The following PRKCB variants were observed in gnomAD, a reference collection of about 807,000 sequenced individuals.
The protein encoded by PRKCB is protein kinase C beta, also known as protein kinase C beta type.
Under a neutral mutation model 81.5 loss-of-function variants are expected in PRKCB, and 13 were observed. That is an observed-to-expected ratio of 0.16 (90% confidence interval 0.10 to 0.25). The LOEUF is 0.25. Ranked by LOEUF, PRKCB falls within the 10% of genes least tolerant of loss-of-function variation. The pLI, the probability that PRKCB is intolerant of heterozygous loss-of-function variation, is 1.00. For missense variants in PRKCB, 509 were observed against 875.7 expected (o/e 0.58, Z 5.29); for synonymous variants, 335 against 321.4 (o/e 1.04, Z -0.45).
chr16:24,218,909 G>T lies in PRKCB; in HGVS notation c.*4093G>T. 1.0e-6 allele frequency: 1 copy of T among 985,422 alleles called. No homozygotes were observed. Among genetic ancestry groups the T allele is most frequent in the East Asian group, 1.1e-4 (1 of 8,796 alleles). 61.0% of individuals were successfully genotyped at this position (985,422 alleles called of 1,614,324 possible). ...ATGAGGCCTACATAGCAGCGATGTGGTCAGGTAAAAATCAGGAACCCACTG... is the reference window on the plus strand; with the variant it reads ...ATGAGGCCTACATAGCAGCGATGTGTTCAGGTAAAAATCAGGAACCCACTG... On this transcript the variant is annotated 3_prime_UTR_variant, in exon 17 of 17. Transcript: ENST00000643927.
intron 9 of PRKCB, among the ~76,000 whole-genome samples, chr16:24,125,380 CACA>C (rs1966841552): frequency 6.6e-6 from 1 of 152,156 alleles, no homozygotes; most frequent in Admixed American, 6.5e-5. Context: ...GTGCTCTGGC[CACA>C]ACATCAGCTC....
chr16:23,982,105 C>CCCTTTT, intron 2 of PRKCB, among the ~76,000 whole-genome samples: 1 of 54,606 alleles, frequency 1.8e-5, no homozygotes, highest in Non-Finnish European at 3.6e-5. Context: ...CTTTTCCCTT[C>CCCTTTT]CCTTCCCTTT....
At chr16:24,113,413 C>G (rs895053894) in intron 8 of PRKCB, among the ~76,000 whole-genome samples, 8 of 149,000 alleles carry the variant, frequency 5.4e-5, no homozygotes, top group African/African-American at 2.0e-4. Flanking sequence ...CTCTTTCCCT[C>G]TCATTCTTTC....
At chr16:23,900,597 T>A (rs184986434) in intron 2 of PRKCB, among the ~76,000 whole-genome samples, 1 of 143,118 alleles carries the variant, frequency 7.0e-6, no homozygotes, top group East Asian at 2.1e-4. Context: ...ATACCCTTAG[T>A]AGCACCTCAC....
chr16:24,016,354 A>G (rs887575136), intron 3 of PRKCB, among the ~76,000 whole-genome samples: 1 of 152,122 alleles, frequency 6.6e-6, no homozygotes, highest in African/African-American at 2.4e-5. Flanking sequence ...GGTATGCTAC[A>G]GAGGCTGGCA....
At chr16:24,003,791 C>T (rs1472713939) in intron 3 of PRKCB, among the ~76,000 whole-genome samples, 1 of 152,172 alleles carries the variant, frequency 6.6e-6, no homozygotes, top group Non-Finnish European at 1.5e-5. Context: ...CCCATGGCAT[C>T]CCTTTCACCC....
chr16:24,134,953 CCTT>C (rs1311279372), intron 9 of PRKCB, among the ~76,000 whole-genome samples: 2 of 148,490 alleles, frequency 1.3e-5, no homozygotes, highest in African/African-American at 4.9e-5. Flanking sequence ...GTGGGTTTCT[CCTT>C]CTTCCATGAA....
chr16:23,905,821 A>G (rs1421399096), intron 2 of PRKCB, among the ~76,000 whole-genome samples: 1 of 152,176 alleles, frequency 6.6e-6, no homozygotes, highest in Admixed American at 6.5e-5. Flanking sequence ...AAGTGGAAAT[A>G]TATTATAGTG....
At chr16:23,836,918 C>T (rs1962172098) in intron 1 of PRKCB, among the ~76,000 whole-genome samples, 1 of 151,948 alleles carries the variant, frequency 6.6e-6, no homozygotes, top group Admixed American at 6.5e-5. Context: ...TCCTCGGTCA[C>T]ATCACTGCGG....
At chr16:24,102,352 A>T (rs1966520126) in intron 7 of PRKCB, among the ~76,000 whole-genome samples, 1 of 152,224 alleles carries the variant, frequency 6.6e-6, no homozygotes, top group African/African-American at 2.4e-5. Flanking sequence ...CGGCCAAGAC[A>T]TTTGCGATGC....
At chr16:23,861,738 G>A (rs1020412269) in intron 2 of PRKCB, among the ~76,000 whole-genome samples, 2 of 152,172 alleles carry the variant, frequency 1.3e-5, no homozygotes, top group Non-Finnish European at 2.9e-5. Flanking sequence ...TGCATGTGGT[G>A]CTTGGAGCTG....
chr16:24,160,946 G>A (rs945469740), intron 10 of PRKCB, among the ~76,000 whole-genome samples: 4 of 152,060 alleles, frequency 2.6e-5, no homozygotes, highest in Non-Finnish European at 4.4e-5. Context: ...CGAGGAGGCC[G>A]GTGTCGCCCC....
At chr16:23,978,704 G>C (rs564759738) in intron 2 of PRKCB, among the ~76,000 whole-genome samples, 1 of 152,254 alleles carries the variant, frequency 6.6e-6, no homozygotes, top group South Asian at 2.1e-4. Flanking sequence ...GGTAGATGCC[G>C]GGCTAAGCAT....
chr16:24,204,623 T>A (rs1384438554), intron 16 of PRKCB, among the ~76,000 whole-genome samples: 2 of 152,170 alleles, frequency 1.3e-5, no homozygotes, highest in African/African-American at 4.8e-5. Context: ...GATATTCTGT[T>A]GACATGGGAA....
At chr16:24,124,059 A>G in intron 9 of PRKCB, 78 bp downstream of exon 9, 4 of 1,531,324 alleles carry the variant, frequency 2.6e-6, no homozygotes, top group Non-Finnish European at 3.6e-6. Flanking sequence ...TTCCTATGGG[A>G]CGGACGTCCT....
chr16:24,038,494 C>G (rs1965653384), intron 5 of PRKCB, among the ~76,000 whole-genome samples: 1 of 152,274 alleles, frequency 6.6e-6, no homozygotes, highest in South Asian at 2.1e-4. Context: ...CAAGGCTGAA[C>G]ACCCTGACCA....
At chr16:24,154,453 A>T (rs1182054945) in intron 9 of PRKCB, among the ~76,000 whole-genome samples, 2 of 152,204 alleles carry the variant, frequency 1.3e-5, no homozygotes, top group Non-Finnish European at 2.9e-5. Flanking sequence ...ACTACCCTCT[A>T]GGCTGCAGTG....
At chr16:23,904,847 G>C (rs1160971302) in intron 2 of PRKCB, among the ~76,000 whole-genome samples, 2 of 152,030 alleles carry the variant, frequency 1.3e-5, no homozygotes, top group Non-Finnish European at 2.9e-5. Context: ...TCTCCCCTAA[G>C]AAAGAGGCAA....
rs372241654 is a variant in PRKCB, at chr16:24,023,050, G to A, written c.289-9086G>A. ...AAATGAGACTAGGGGAGGGATTGAG[G>A]CAGAGATGGAAGCTGTGTCTTTTTT... On this transcript the variant is annotated intron_variant, in intron 3 of 16. Coordinates refer to ENST00000643927, the MANE Select transcript of PRKCB (RefSeq NM_002738.7). 2.8e-3 allele frequency among the ~76,000 whole-genome samples: 423 copies of A among 152,226 alleles called. 4 individuals carry two copies. The highest frequency in any genetic ancestry group is 9.2e-3 in the African/African-American group (383 of 41,518).
Sources: allele counts gnomAD v4.1 joint callset (sites outside exome capture counted in the v4.1 genomes callset), GRCh38; gene constraint gnomAD v4.1.1; transcripts MANE v1.5; gene names NCBI Gene and HGNC (gene_info 2026-07-23, HGNC 2026-07-21).